Variants in ZNF18 observed in about 807,000 individuals in gnomAD.
ZNF18 encodes heart development-specific gene 1 protein.
Under a neutral mutation model 58.1 loss-of-function variants are expected in ZNF18, and 42 were observed. The ratio of observed to expected loss-of-function variants is 0.72; its 90% CI spans 0.56 to 0.93. The LOEUF is 0.93. Ranked by LOEUF, ZNF18 falls within the 40% of genes least tolerant of loss-of-function variation. ZNF18 has a pLI of 0.00. For missense variants in ZNF18, 540 were observed against 644.2 expected (o/e 0.84, Z 1.75); for synonymous variants, 231 against 239.8 (o/e 0.96, Z 0.34).
At chr17:12,009,558 T>C in the ZNF18 span, among the ~76,000 whole-genome samples, 11 of 151,506 alleles carry the variant, frequency 7.3e-5, no homozygotes, top group African/African-American at 2.4e-4. Context: ...ATTCAAGCAA[T>C]TCTCCTGCCT....
chr17:12,007,109 G>A, the ZNF18 span, among the ~76,000 whole-genome samples: 2 of 152,120 alleles, frequency 1.3e-5, no homozygotes, highest in Non-Finnish European at 2.9e-5. Flanking sequence ...GTTCTGGTAA[G>A]ATGTCAAGAT....
At chr17:12,008,370 T>C in the ZNF18 span, among the ~76,000 whole-genome samples, 14 of 152,256 alleles carry the variant, frequency 9.2e-5, no homozygotes, top group Admixed American at 3.9e-4. Flanking sequence ...ACTACTATTA[T>C]TATTATTATT....
chr17:12,014,257 C>T, the ZNF18 span, among the ~76,000 whole-genome samples: 2 of 152,106 alleles, frequency 1.3e-5, no homozygotes, highest in Non-Finnish European at 2.9e-5. Flanking sequence ...ATAGAGCTAC[C>T]ATAAGATTCA....
At position 11,992,739 on chromosome 17, in the gene ZNF18, G is replaced by A; in HGVS notation, c.91C>T (p.Gln31Ter). The A allele has an allele frequency of 6.2e-7, 1 of 1,614,276 alleles. No individual in the cohort carries two copies. The highest frequency in any genetic ancestry group is 8.5e-7 in the Non-Finnish European group (1 of 1,180,048). ...SQFSESDAAL[Q>*]EELSSPETAR... ...GTCTCAGGGCTGGAGAGTTCCTCTT[G>A]AAGGGCAGCATCTGATTCTGAGAAC... The change falls in exon 2 of 7, where the codon CAA (glutamine) becomes TAA (stop). Residue 31 changes from glutamine to a stop codon, truncating the protein, a stop_gained. Coordinates refer to ENST00000580306, the MANE Select transcript of ZNF18 (RefSeq NM_001303281.2). LOFTEE classifies it high-confidence loss of function.
At chr17:11,998,976 G>A (rs932434019), upstream of ZNF18, among the ~76,000 whole-genome samples, 5 of 151,996 alleles carry the variant, frequency 3.3e-5, no homozygotes, top group Admixed American at 2.6e-4. Flanking sequence ...GCACCTAGCT[G>A]GACGTTTCTA....
chr17:12,015,816 T>C, the ZNF18 span, among the ~76,000 whole-genome samples: 1 of 151,454 alleles, frequency 6.6e-6, no homozygotes, highest in Admixed American at 6.6e-5. Flanking sequence ...TGAGACAGAG[T>C]CTTTCTCTGT....
At chr17:11,982,657 A>AGTGTGTGTGTGTGTGTGTGT (rs143602913) in intron 6 of ZNF18, among the ~76,000 whole-genome samples, 29 of 136,810 alleles carry the variant, frequency 2.1e-4, no homozygotes, top group East Asian at 1.3e-3. Context: ...TATATATAAA[A>AGTGTGTGTGTGTGTGTGTGT]GTGTGTGTGT....
chr17:11,986,882 C>T (rs544738980), intron 4 of ZNF18, among the ~76,000 whole-genome samples: 6 of 152,228 alleles, frequency 3.9e-5, no homozygotes, highest in African/African-American at 1.4e-4. Context: ...ACCAAAACCC[C>T]CAAGGGTCAA....
intron 6 of ZNF18, among the ~76,000 whole-genome samples, chr17:11,982,725 A>C (rs915028156): frequency 1.4e-5 from 2 of 146,672 alleles, no homozygotes; most frequent in African/African-American, 5.0e-5. Context: ...TTTTTACGTA[A>C]CTTCAATGTT....
At chr17:12,004,715 T>C in the ZNF18 span, among the ~76,000 whole-genome samples, 2 of 151,864 alleles carry the variant, frequency 1.3e-5, no homozygotes, top group Non-Finnish European at 2.9e-5. Context: ...AGAGAAACCA[T>C]GTCTCTACTA....
At chr17:12,008,780 G>A in the ZNF18 span, among the ~76,000 whole-genome samples, 1 of 152,158 alleles carries the variant, frequency 6.6e-6, no homozygotes. Flanking sequence ...TCAGTCTGTG[G>A]CCTCCACCAG....
At chr17:12,001,155 A>C (rs1010643300), upstream of ZNF18, among the ~76,000 whole-genome samples, 8 of 152,192 alleles carry the variant, frequency 5.3e-5, no homozygotes, top group African/African-American at 1.9e-4. Flanking sequence ...CTCACAGAAA[A>C]CAATCTCCAC....
chr17:12,011,085 G>A, the ZNF18 span: 1 of 718,362 alleles, frequency 1.4e-6, no homozygotes, highest in African/African-American at 1.7e-5. Context: ...TTTTTGAACA[G>A]TACTCATTCC....
In ZNF18 at chr17:11,978,433, C is replaced by G; in HGVS notation, c.1174G>C (p.Glu392Gln). The G allele has an allele frequency of 1.3e-6, 2 of 1,553,710 alleles. No individual in the cohort carries two copies. Residue 392 changes from glutamate (E) to glutamine (Q), a missense_variant, in exon 7 of 7, where the codon GAG becomes CAG. By Grantham distance (29) the Glu-to-Gln change is conservative. Transcript: ENST00000580306. The part of the protein sequence containing the change: ...MSTMWLEEKR[E>Q]TSQKGQPRAP... The stretch of plus-strand genomic sequence containing the variant: ...CTTGGCTGCCCCTTCTGGGAGGTCT[C>G]TCTCTTCTCCTCAAGCCACATGGTG...
chr17:11,978,181 A>G lies in ZNF18; in HGVS notation c.1426T>C (p.Phe476Leu), dbSNP rs62621364. The change falls in exon 7 of 7, where the codon TTC (phenylalanine) becomes CTC (leucine). Residue 476 changes from phenylalanine (F) to leucine (L), a missense_variant. Phe to Leu is a conservative substitution (Grantham distance 22, BLOSUM62 0). Coordinates refer to ENST00000580306, the MANE Select transcript of ZNF18 (RefSeq NM_001303281.2). The stretch of plus-strand genomic sequence containing the variant: ...TTCTCGTGGTGGCGCAATCCTGAGA[A>G]GTCACTAAAGCCTTTCCCACAGTAA... ...CDYCGKGFSDFSGLRHHEKIH... is the reference protein window; with the variant it reads ...CDYCGKGFSDLSGLRHHEKIH... 0.013 allele frequency: 20,563 copies of G among 1,614,090 alleles called. 163 individuals carry two copies. Among genetic ancestry groups the G allele is most frequent in the Non-Finnish European group, 0.015 (17,996 of 1,180,022 alleles).
chr17:11,982,608 C>G (rs1967428893), intron 6 of ZNF18, among the ~76,000 whole-genome samples: 1 of 151,040 alleles, frequency 6.6e-6, no homozygotes, highest in African/African-American at 2.4e-5. Flanking sequence ...AATTCCCATC[C>G]TTGGTCCTCT....
chr17:11,986,204 CCTT>C (rs1967730673), intron 4 of ZNF18, among the ~76,000 whole-genome samples: 1 of 152,246 alleles, frequency 6.6e-6, no homozygotes, highest in African/African-American at 2.4e-5. Context: ...ACTTGCTCCT[CCTT>C]GCCTTCCACC....
intron 4 of ZNF18, among the ~76,000 whole-genome samples, chr17:11,987,036 T>C (rs1018748838): frequency 1.3e-5 from 2 of 152,214 alleles, no homozygotes; most frequent in Non-Finnish European, 2.9e-5. Context: ...AAGACGCCAA[T>C]GGCAGCCAGC....
chr17:12,008,978 T>C, the ZNF18 span: 8 of 152,234 alleles, frequency 5.3e-5, no homozygotes, highest in Non-Finnish European at 1.0e-4. Flanking sequence ...GCATTTACAA[T>C]TGTGACACCC....
Sources: allele counts gnomAD v4.1 joint callset (sites outside exome capture counted in the v4.1 genomes callset), GRCh38; gene constraint gnomAD v4.1.1; transcripts MANE v1.5; gene names NCBI Gene and HGNC (gene_info 2026-07-23, HGNC 2026-07-21).